Variants in PRRC2A observed in about 807,000 individuals in gnomAD.
PRRC2A encodes proline rich coiled-coil 2A.
Under a neutral mutation model 224.6 loss-of-function variants are expected in PRRC2A, and 59 were observed. The observed-to-expected ratio is 0.26, with a 90% CI of 0.21 to 0.33. PRRC2A has a LOEUF of 0.33. PRRC2A is among the 10% of genes least tolerant of loss of function. The probability of loss-of-function intolerance (pLI) is 1.00; values close to 1 mark genes in which losing one functional copy is unlikely to be tolerated. For synonymous variants in PRRC2A, 1,194 were observed against 1,109.5 expected (o/e 1.08, Z -1.51); for missense variants, 3,095 against 2,880.7 (o/e 1.07, Z -1.70).
chr6:31,625,767 C>T lies in PRRC2A; in HGVS notation c.760-25C>T. On this transcript the variant is annotated intron_variant, in intron 7 of 30. Transcript: ENST00000376033. This position sits in a 1 kb window ranked among gnomAD's most constrained non-coding sequence, Gnocchi z 4.1. ...AAGGGTATATGACTGTCCCTCTGAGCAGCTACTGTTGGACCCTTTTACAGA... is the reference window on the plus strand; with the variant it reads ...AAGGGTATATGACTGTCCCTCTGAGTAGCTACTGTTGGACCCTTTTACAGA... The T allele has an allele frequency of 6.4e-7, 1 of 1,557,608 alleles. No homozygotes were observed. Among genetic ancestry groups the T allele is most frequent in the Non-Finnish European group, 8.9e-7 (1 of 1,128,800 alleles).
chr6:31,630,506 A>C (rs1485385881), intron 14 of PRRC2A, 85 bp from the exon 15 acceptor site: 3 of 1,401,212 alleles, frequency 2.1e-6, no homozygotes, highest in Non-Finnish European at 3.0e-6. Flanking sequence ...GGAAGAGCTG[A>C]CTTGACCGCG....
Position 31,627,077 on chromosome 6 carries a change from C to T in PRRC2A, c.1169C>T (p.Thr390Met), listed in dbSNP as rs1282419159. Residue 390 changes from threonine (T) to methionine (M), a missense_variant, in exon 11 of 31, where the codon ACG becomes ATG. Thr to Met is a moderately conservative substitution (Grantham distance 81). Around this residue, in one of 8 missense-constraint regions of PRRC2A, gnomAD observed 2,001 missense variants for 1,764.9 expected, o/e 1.13. Transcript: ENST00000376033. This position sits in a 1 kb window ranked among gnomAD's most constrained non-coding sequence, Gnocchi z 5.6. ...AACAGCGAACCGCCCACTCCTAAGA[C>T]GGCCTGGGCAGAAACCTCTCGGCCT... ...SPNSEPPTPKTAWAETSRPPE... is the reference protein window; with the variant it reads ...SPNSEPPTPKMAWAETSRPPE... The T allele has an allele frequency of 5.6e-6, 9 of 1,614,074 alleles. No homozygotes were observed. The highest frequency in any genetic ancestry group is 1.3e-5 in the African/African-American group (1 of 74,934).
intron 2 of PRRC2A, chr6:31,623,259 ATTTTTTTT>A (rs3993756): frequency 2.3e-3 from 741 of 322,736 alleles, no homozygotes; most frequent in Admixed American, 7.8e-3. Flanking sequence ...GATTTCATAG[ATTTTTTTT>A]TTTTTTTTTT....
At position 31,632,160 on chromosome 6, in the gene PRRC2A, C is replaced by A; in HGVS notation, c.3487C>A (p.Pro1163Thr). The A allele has an allele frequency of 5.7e-6, 9 of 1,584,396 alleles. No homozygotes were observed. Among genetic ancestry groups the A allele is most frequent in the Non-Finnish European group, 6.9e-6 (8 of 1,166,226 alleles). The change falls in exon 16 of 31, where the codon CCC (proline) becomes ACC (threonine). Residue 1163 changes from proline (P) to threonine (T), a missense_variant. This residue lies in a region of PRRC2A where 2,001 missense variants were observed against 1,764.9 expected (regional missense o/e 1.13). Coordinates refer to ENST00000376033, the MANE Select transcript of PRRC2A (RefSeq NM_004638.4). Reference sequence around the variant, plus strand: ...TGCCCGGGGTGGGCGAGTCTTCACTCCCAGAGGGGTGCCATCTCGCCGGGG... The same window carrying A: ...TGCCCGGGGTGGGCGAGTCTTCACTACCAGAGGGGTGCCATCTCGCCGGGG... ...FTARGGRVFT[P>T]RGVPSRRGRG...
Position 31,632,981 on chromosome 6 carries a change from C to T in PRRC2A, c.4308C>T (p.Pro1436=), listed in dbSNP as rs777626701. The T allele has an allele frequency of 1.3e-6, 2 of 1,572,794 alleles. No individual in the cohort carries two copies. The highest frequency in any genetic ancestry group is 1.7e-6 in the Non-Finnish European group (2 of 1,159,454). ...GCGACAAGAGGAGCTGGCCCTCTCC[C>T]AAGAACCGAAGGTGGGTAGGAACAA... ...GRGDKRSWPS[P]KNRSRPPEER... The change falls in exon 16 of 31, where the codon CCC becomes CCT. Residue 1436 remains proline, a synonymous_variant. Coordinates refer to ENST00000376033, the MANE Select transcript of PRRC2A (RefSeq NM_004638.4).
Position 31,622,710 on chromosome 6 carries a change from T to TA in PRRC2A, c.-80_-79insA. 1.0e-6 allele frequency: 1 copy of TA among 992,246 alleles called. No individual in the cohort carries two copies. Among genetic ancestry groups the TA allele is most frequent in the Non-Finnish European group, 1.6e-6 (1 of 630,046 alleles). 61.5% of individuals were successfully genotyped at this position (992,246 alleles called of 1,614,324 possible). ...TACAGGGGACAGAGACTGAGACACTTGCTGTCTGGCCCACAGGCTCTGGCA... is the reference window on the plus strand; with the variant it reads ...TACAGGGGACAGAGACTGAGACACTTAGCTGTCTGGCCCACAGGCTCTGGCA... On this transcript the variant is annotated 5_prime_UTR_variant, in exon 2 of 31. Transcript: ENST00000376033.
Position 31,631,484 on chromosome 6 carries a change from C to G in PRRC2A, c.2811C>G (p.Ile937Met), listed in dbSNP as rs12526375. The G allele has an allele frequency of 1.6e-3, 2,553 of 1,610,256 alleles. 71 individuals carry two copies. In the Admixed American group the frequency reaches 0.039, roughly 25 times the overall value. ...GPRPGSSRRGIPPEEPGAPPR... is the reference protein window; with the variant it reads ...GPRPGSSRRGMPPEEPGAPPR... ...GTCCAGGGAGCAGTCGTCGTGGAAT[C>G]CCTCCAGAGGAGCCAGGGGCCCCAC... The change falls in exon 16 of 31, where the codon ATC (isoleucine) becomes ATG (methionine). Residue 937 changes from isoleucine (I) to methionine (M), a missense_variant. Transcript: ENST00000376033. This position sits in a 1 kb window ranked among gnomAD's most constrained non-coding sequence, Gnocchi z 4.5.
intron 1 of PRRC2A, among the ~76,000 whole-genome samples, 174 bp downstream of exon 1, chr6:31,621,032 T>C (rs1394068325): frequency 2.0e-5 from 3 of 152,114 alleles, no homozygotes; most frequent in African/African-American, 7.2e-5. Context: ...CTCCGGTACC[T>C]CTACTCCGGG....
intron 3 of PRRC2A, 92 bp downstream of exon 3, chr6:31,624,001 G>A (rs1362684352): frequency 2.7e-6 from 4 of 1,457,960 alleles, no homozygotes; most frequent in Middle Eastern, 1.8e-4. Context: ...CCACGTCTGA[G>A]CCAGAGACGA....
chr6:31,624,141 A>C (rs2260051), intron 3 of PRRC2A, 120 bp from the exon 4 acceptor site: 1 of 1,178,252 alleles, frequency 8.5e-7, no homozygotes, highest in African/African-American at 1.6e-5. Context: ...GACAAAATTA[A>C]TTTGTCCTTA....
Position 31,634,605 on chromosome 6 carries a change from C to T in PRRC2A, c.4935+48C>T, listed in dbSNP as rs1481555614. ...GTCTGAGCTGGGACTTTTTTGAGCA[C>T]TGGTCATACCCCCCACCTGCTCTGG... On this transcript the variant is annotated intron_variant, in intron 20 of 30. Coordinates refer to ENST00000376033, the MANE Select transcript of PRRC2A (RefSeq NM_004638.4). 5.6e-6 allele frequency: 9 copies of T among 1,598,874 alleles called. No individual in the cohort carries two copies. The Admixed American group carries it at 8.5e-5, about 15-fold the overall frequency.
At position 31,636,748 on chromosome 6, in the gene PRRC2A, G is replaced by T; in HGVS notation, c.5950G>T (p.Val1984Leu). 6.2e-7 allele frequency: 1 copy of T among 1,607,110 alleles called. No homozygotes were observed. The highest frequency in any genetic ancestry group is 1.1e-5 in the South Asian group (1 of 91,086). Residue 1984 changes from valine to leucine, a missense_variant, in exon 28 of 31, where the codon GTA becomes TTA. By Grantham distance (32) the Val-to-Leu change is conservative (BLOSUM62 1). This residue lies in a region of PRRC2A where 662 missense variants were observed against 609.5 expected (regional missense o/e 1.09). Transcript: ENST00000376033. The surrounding 1 kb of genome is among the most constrained non-coding windows in gnomAD (Gnocchi z 4.3). ...CTTGTTACAGATGCTTCTACCCATG[G>T]TAGACTCACAGCTGCCTGTGGTGAA... ...APAQQMLLPM[V>L]DSQLPVVNFG... is the part of the protein sequence containing the mutation.
Position 31,637,439 on chromosome 6 carries a change from C to A in PRRC2A, c.6334-7C>A, listed in dbSNP as rs761697411. ...GACTCACTGTTTAACACATGCCTGT[C>A]CCCTAGGCCTCCCCACCAGATGCCC... On this transcript the variant is annotated splice_polypyrimidine_tract_variant and splice_region_variant and intron_variant, in intron 30 of 30. Coordinates refer to ENST00000376033, the MANE Select transcript of PRRC2A (RefSeq NM_004638.4). 3.8e-6 allele frequency: 6 copies of A among 1,584,894 alleles called. No homozygotes were observed. Among genetic ancestry groups the A allele is most frequent in the Non-Finnish European group, 5.2e-6 (6 of 1,162,984 alleles).
Position 31,622,738 on chromosome 6 carries a change from T to G in PRRC2A, c.-52T>G. ...TGTCTGGCCCACAGGCTCTGGCACG[T>G]TTTGGGGGAGGTGCCTGCAGGACCC... is the stretch of plus-strand genomic sequence containing the variant. On this transcript the variant is annotated 5_prime_UTR_variant, in exon 2 of 31. Transcript: ENST00000376033. 1.0e-5 allele frequency: 14 copies of G among 1,401,154 alleles called. No individual in the cohort carries two copies. Among genetic ancestry groups the G allele is most frequent in the Non-Finnish European group, 1.4e-5 (14 of 992,342 alleles). 86.8% of individuals were successfully genotyped at this position (1,401,154 alleles called of 1,614,324 possible). A position where few individuals can be genotyped will look rare whatever the true frequency, so the allele number is the denominator to read the frequency against.
At chr6:31,635,853 T>C in intron 24 of PRRC2A, 104 bp downstream of exon 24, 7 of 1,452,944 alleles carry the variant, frequency 4.8e-6, no homozygotes, top group Non-Finnish European at 6.5e-6. Flanking sequence ...AGTTGTGAGA[T>C]ACCACTTTGT....
Position 31,631,078 on chromosome 6 carries a change from TC to T in PRRC2A, c.2466-58del. On this transcript the variant is annotated intron_variant, in intron 15 of 30. Transcript: ENST00000376033. This position sits in a 1 kb window ranked among gnomAD's most constrained non-coding sequence, Gnocchi z 4.5. ...TCTGCATCATAATAAAGTGTTCTTT[TC>T]CCACCTAGTTCTGGTTTTCCTGAGA... 7.1e-7 allele frequency: 1 copy of T among 1,405,906 alleles called. No homozygotes were observed. The highest frequency in any genetic ancestry group is 9.6e-7 in the Non-Finnish European group (1 of 1,037,480). The allele number at this position is 1,405,906 out of a possible 1,614,324, so 87.1% of individuals were successfully genotyped here. A position where few individuals can be genotyped will look rare whatever the true frequency, so the allele number is the denominator to read the frequency against.
At chr6:31,634,201 A>G in intron 18 of PRRC2A, 35 bp from the exon 19 acceptor site, 1 of 1,574,254 alleles carries the variant, frequency 6.4e-7, no homozygotes, top group South Asian at 1.2e-5. Flanking sequence ...TTCCCACCCA[A>G]TTCATGTTTT....
rs998824994 is a variant in PRRC2A at position 31,620,715 on chromosome 6, A to G, written c.-244A>G. Reference sequence around the variant, plus strand: ...GCGGCGGTTGCCCGGATGGGCCGTTAGTCGGGGCTCAGCCGCGGAGTGAGC... The same window carrying G: ...GCGGCGGTTGCCCGGATGGGCCGTTGGTCGGGGCTCAGCCGCGGAGTGAGC... On this transcript the variant is annotated 5_prime_UTR_variant, in exon 1 of 31. Transcript: ENST00000376033. 1 of 152,156 alleles carries G rather than the reference A, an allele frequency of 6.6e-6. No individual in the cohort carries two copies. Among genetic ancestry groups the G allele is most frequent in the Non-Finnish European group, 1.5e-5 (1 of 68,022 alleles). 9.4% of individuals were successfully genotyped at this position (152,156 alleles called of 1,614,324 possible). A position where few individuals can be genotyped will look rare whatever the true frequency, so the allele number is the denominator to read the frequency against.
intron 22 of PRRC2A, 28 bp from the exon 23 acceptor site, chr6:31,635,366 A>C: frequency 6.2e-7 from 1 of 1,614,082 alleles, no homozygotes. Flanking sequence ...GTCACGGGAC[A>C]ATGTCTCCTG....
Sources: gnomAD v4.1 joint callset for allele counts (sites outside exome capture counted in the v4.1 genomes callset) on GRCh38, gnomAD v4.1.1 for gene constraint, gnomAD v4.1.1 regional missense constraint, Gnocchi (gnomAD v3.1) non-coding constraint, MANE v1.5 for transcripts, NCBI Gene and HGNC (gene_info 2026-07-23, HGNC 2026-07-21) for gene names.